Variants in FDX1 observed in about 807,000 individuals in gnomAD.
FDX1 encodes ferredoxin 1, also known as adrenodoxin, mitochondrial.
A neutral mutation model predicts 14.9 loss-of-function variants in FDX1; 9 were observed. The ratio of observed to expected loss-of-function variants is 0.60; its 90% CI spans 0.36 to 1.05. The LOEUF is 1.05. FDX1 is among the 50% of genes least tolerant of loss of function. The probability of loss-of-function intolerance (pLI) is 0.01; values close to 1 mark genes in which losing one functional copy is unlikely to be tolerated. For synonymous variants in FDX1, 92 were observed against 99.4 expected (o/e 0.93, Z 0.44); for missense variants, 204 against 237.2 (o/e 0.86, Z 0.92).
intron 2 of FDX1, among the ~76,000 whole-genome samples, chr11:110,437,152 C>G (rs902909741): frequency 3.3e-5 from 5 of 152,144 alleles, no homozygotes; most frequent in Admixed American, 6.5e-5. Context: ...CACCATCACA[C>G]CTGGCTGAAT....
chr11:110,456,509 C>CTTTTTTTTTTTTTTTTTTTT (rs11463993), intron 2 of FDX1, among the ~76,000 whole-genome samples: 4 of 83,806 alleles, frequency 4.8e-5, no homozygotes, highest in African/African-American at 9.7e-5. Context: ...TTTATGTATT[C>CTTTTTTTTTTTTTTTTTTTT]TTTTTTTTTT....
intron 2 of FDX1, among the ~76,000 whole-genome samples, chr11:110,446,206 A>T (rs918583462): frequency 6.6e-6 from 1 of 152,252 alleles, no homozygotes; most frequent in African/African-American, 2.4e-5. Flanking sequence ...GAAATCAGGA[A>T]GGGTGCAATG....
chr11:110,429,744 A>C, upstream of FDX1: 36 of 156,530 alleles, frequency 2.3e-4, no homozygotes, highest in East Asian at 3.7e-4. Context: ...GATTTCCGCT[A>C]GACGTCCAGC....
Position 110,430,212 on chromosome 11 carries a change from G to A in FDX1, c.92G>A (p.Arg31His), listed in dbSNP as rs1383008220. The A allele has an allele frequency of 3.3e-6, 4 of 1,213,502 alleles. No individual in the cohort carries two copies. The African/African-American group carries it at 6.3e-5, about 19-fold the overall frequency. 75.2% of individuals were successfully genotyped at this position (1,213,502 alleles called of 1,614,324 possible). A position where few individuals can be genotyped will look rare whatever the true frequency, so the allele number is the denominator to read the frequency against. Residue 31 changes from arginine (R) to histidine (H), a missense_variant, in exon 1 of 4, where the codon CGC (arginine) becomes CAC (histidine). Arg to His is a conservative substitution (Grantham distance 29). Transcript: ENST00000260270. Reference sequence around the variant, plus strand: ...CGGTGGCTGCACCACGCTGGGTCCCGCGCTGGATCCAGCGGCCTGCTGAGG... The same window carrying A: ...CGGTGGCTGCACCACGCTGGGTCCCACGCTGGATCCAGCGGCCTGCTGAGG... ...AGRWLHHAGSRAGSSGLLRNR... is the reference protein window; with the variant it reads ...AGRWLHHAGSHAGSSGLLRNR...
At chr11:110,462,307 A>ATG (rs45486501) in intron 3 of FDX1, 47 bp from the exon 4 acceptor site, 1 of 1,027,436 alleles carries the variant, frequency 9.7e-7, no homozygotes, top group Non-Finnish European at 1.5e-6. Flanking sequence ...TGCCTTGTGA[A>ATG]TATATATACG....
intron 2 of FDX1, among the ~76,000 whole-genome samples, chr11:110,447,431 C>T (rs1245002613): frequency 1.3e-5 from 2 of 152,070 alleles, no homozygotes; most frequent in African/African-American, 4.8e-5. Flanking sequence ...TCCAGTCTGG[C>T]AGCAAAGTGA....
chr11:110,436,478 C>G (rs1465379543), intron 2 of FDX1, among the ~76,000 whole-genome samples: 1 of 152,144 alleles, frequency 6.6e-6, no homozygotes, highest in East Asian at 1.9e-4. Flanking sequence ...CAGTTTTGTT[C>G]AAGCAATGCA....
intron 2 of FDX1, among the ~76,000 whole-genome samples, chr11:110,449,759 C>G (rs1190288416): frequency 1.3e-5 from 2 of 152,150 alleles, no homozygotes; most frequent in Non-Finnish European, 2.9e-5. Flanking sequence ...TTCCTAATAG[C>G]TGGGATTATA....
chr11:110,457,480 T>A (rs1452040138), intron 3 of FDX1, among the ~76,000 whole-genome samples: 1 of 152,184 alleles, frequency 6.6e-6, no homozygotes, highest in Non-Finnish European at 1.5e-5. Context: ...GCTCTTTTTC[T>A]AAGTGTACCT....
At position 110,462,397 on chromosome 11, in the gene FDX1, A is replaced by G. The variant is rs776580811; in HGVS notation, c.484A>G (p.Asn162Asp). 1 of 1,612,828 alleles carries G rather than the reference A, an allele frequency of 6.2e-7. No homozygotes were observed. Residue 162 changes from asparagine (N) to aspartate (D), a missense_variant, in exon 4 of 4, where the codon AAT (asparagine) becomes GAT (aspartate). By Grantham distance (23) the Asn-to-Asp change is conservative (BLOSUM62 1). Coordinates refer to ENST00000260270, the MANE Select transcript of FDX1 (RefSeq NM_004109.5). ...CQICLTKSMD[N>D]MTVRVPETVA... is the part of the protein sequence containing the mutation. ...AATCTGTTTGACAAAATCTATGGAC[A>G]ATATGACTGTTCGAGTGCCTGAAAC...
At chr11:110,459,608 A>G (rs1192214536) in intron 3 of FDX1, among the ~76,000 whole-genome samples, 1 of 152,214 alleles carries the variant, frequency 6.6e-6, no homozygotes, top group Non-Finnish European at 1.5e-5. Flanking sequence ...CCCTAGAACT[A>G]AAGTAAACCT....
chr11:110,434,695 T>G (rs1192006921), intron 1 of FDX1, among the ~76,000 whole-genome samples: 2 of 151,692 alleles, frequency 1.3e-5, no homozygotes, highest in Non-Finnish European at 2.9e-5. Context: ...ACATTCATGT[T>G]TTTCAGAGAG....
Position 110,444,756 on chromosome 11 carries a change from A to ACGTG in FDX1, c.310+8798_310+8799insCGTG, listed in dbSNP as rs1209592775. 1.2e-4 allele frequency among the ~76,000 whole-genome samples: 15 copies of ACGTG among 123,762 alleles called. 1 individual carries two copies. Among genetic ancestry groups the ACGTG allele is most frequent in the African/African-American group, 5.2e-4 (15 of 28,958 alleles). The allele number at this position is 123,762 out of a possible 152,430, so 81.2% of individuals were successfully genotyped here. On this transcript the variant is annotated intron_variant, in intron 2 of 3. Transcript: ENST00000260270. ...TATATATATATATACACGTATATAT[A>ACGTG]TATATATATATTTGCAGAACAACCT...
chr11:110,430,171 C>T lies in FDX1; in HGVS notation c.51C>T (p.Leu17=), dbSNP rs544813521. 15 of 1,234,398 alleles carry T rather than the reference C, an allele frequency of 1.2e-5. No individual in the cohort carries two copies. In the African/African-American group the frequency reaches 2.0e-4, roughly 17 times the overall value. 76.5% of individuals were successfully genotyped at this position (1,234,398 alleles called of 1,614,324 possible). Residue 17 remains leucine, a synonymous_variant, in exon 1 of 4, where the codon CTC becomes CTT. Coordinates refer to ENST00000260270, the MANE Select transcript of FDX1 (RefSeq NM_004109.5). ...ARLLRAASAV[L]GGPAGRWLHH... ...TGCTGCGCGCCGCTTCTGCTGTCCT[C>T]GGCGGCCCGGCCGGCCGGTGGCTGC...
At chr11:110,429,929 T>C, upstream of FDX1, 2 of 348,482 alleles carry the variant, frequency 5.7e-6, no homozygotes, top group Non-Finnish European at 1.0e-5. Flanking sequence ...CCAATGTCTT[T>C]ATAGGTCACC....
intron 1 of FDX1, among the ~76,000 whole-genome samples, chr11:110,434,327 C>T (rs1165370631): frequency 7.8e-6 from 1 of 128,596 alleles, no homozygotes; most frequent in Non-Finnish European, 1.6e-5. Context: ...AAGCAATCGC[C>T]CTATTGATTT....
At chr11:110,446,859 C>CA (rs1475802344) in intron 2 of FDX1, among the ~76,000 whole-genome samples, 1 of 152,214 alleles carries the variant, frequency 6.6e-6, no homozygotes, top group Non-Finnish European at 1.5e-5. Flanking sequence ...TAACAGAAAT[C>CA]AGACATGTCA....
At chr11:110,440,276 G>A (rs1391480626) in intron 2 of FDX1, among the ~76,000 whole-genome samples, 2 of 151,970 alleles carry the variant, frequency 1.3e-5, no homozygotes, top group African/African-American at 2.4e-5. Flanking sequence ...ATTTTGTTCA[G>A]TTCTGCTTTG....
chr11:110,430,443 C>A (rs551237718), intron 1 of FDX1, 138 bp downstream of exon 1: 6 of 503,762 alleles, frequency 1.2e-5, no homozygotes, highest in Non-Finnish European at 1.7e-5. Flanking sequence ...CTCTCGCCCC[C>A]CTCTTCTGGG....
Sources: allele counts gnomAD v4.1 joint callset (sites outside exome capture counted in the v4.1 genomes callset), GRCh38; gene constraint gnomAD v4.1.1; transcripts MANE v1.5; gene names NCBI Gene and HGNC (gene_info 2026-07-23, HGNC 2026-07-21).